TBC1D19: variants seen among roughly 807,000 people sequenced by gnomAD.
TBC1D19 encodes the protein TBC1 domain family, member 19.
TBC1D19 carries 60 observed loss-of-function variants against 89.0 expected under a neutral mutation model. The ratio of observed to expected loss-of-function variants is 0.67; its 90% CI spans 0.55 to 0.84. The LOEUF is 0.84. Ranked by LOEUF, TBC1D19 falls within the 40% of genes least tolerant of loss-of-function variation. TBC1D19 has a pLI of 0.00. For synonymous variants in TBC1D19, 189 were observed against 199.7 expected, an observed-to-expected ratio of 0.95 and a Z score of 0.45; for missense variants, 500 against 610.8, an observed-to-expected ratio of 0.82 and a Z score of 1.91.
the TBC1D19 span, among the ~76,000 whole-genome samples, chr4:26,762,842 A>G: frequency 6.6e-6 from 1 of 152,324 alleles, no homozygotes; most frequent in South Asian, 2.1e-4. Flanking sequence ...GCCATGAGCC[A>G]GGAATACAGG....
rs571738011 is a variant in TBC1D19, at chr4:26,622,699, T to C, written c.294+2011T>C. Among the ~76,000 whole-genome samples the C allele has an allele frequency of 3.3e-4, 51 of 152,290 alleles. 1 individual carries two copies. In the South Asian group the frequency reaches 9.5e-3, roughly 28 times the overall value. On this transcript the variant is annotated intron_variant, in intron 4 of 20. Coordinates refer to ENST00000264866, the MANE Select transcript of TBC1D19 (RefSeq NM_018317.4). ...TTGTGACACATGAAAACTATATGAA[T>C]CACTAAGATATGTTTTATTGGAAAA...
intron 7 of TBC1D19, among the ~76,000 whole-genome samples, chr4:26,643,689 TAAA>T (rs1743709110): frequency 6.6e-6 from 1 of 151,406 alleles, no homozygotes; most frequent in African/African-American, 2.4e-5. Flanking sequence ...GCAAAACTAA[TAAA>T]GAAGAAAAGA....
upstream of TBC1D19, among the ~76,000 whole-genome samples, chr4:26,580,060 A>C (rs1739037636): frequency 6.6e-6 from 1 of 152,162 alleles, no homozygotes; most frequent in Admixed American, 6.5e-5. Context: ...TTCTCCTGTA[A>C]GTTTTCCCTT....
intron 8 of TBC1D19, among the ~76,000 whole-genome samples, chr4:26,662,536 A>T (rs895495828): frequency 1.3e-5 from 2 of 152,212 alleles, no homozygotes; most frequent in Non-Finnish European, 2.9e-5. Flanking sequence ...TAAGTTTATA[A>T]GAATTTAAGC....
chr4:26,768,631 T>A, the TBC1D19 span, among the ~76,000 whole-genome samples: 1 of 152,112 alleles, frequency 6.6e-6, no homozygotes, highest in Non-Finnish European at 1.5e-5. Context: ...AGTAGAGACA[T>A]GGAAGATATT....
At chr4:26,594,254 A>G (rs1740039391) in intron 1 of TBC1D19, among the ~76,000 whole-genome samples, 1 of 152,010 alleles carries the variant, frequency 6.6e-6, no homozygotes, top group Non-Finnish European at 1.5e-5. Flanking sequence ...AAAACCAAAC[A>G]CTGCATGTTC....
At chr4:26,607,951 T>C (rs558074553) in intron 1 of TBC1D19, among the ~76,000 whole-genome samples, 1 of 152,316 alleles carries the variant, frequency 6.6e-6, no homozygotes, top group African/African-American at 2.4e-5. Flanking sequence ...TTGGGGTTGA[T>C]TGGGCAGGCA....
At chr4:26,734,433 T>C (rs764264839) in intron 15 of TBC1D19, among the ~76,000 whole-genome samples, 7 of 152,170 alleles carry the variant, frequency 4.6e-5, no homozygotes, top group Non-Finnish European at 7.4e-5. Context: ...AGCTATATGG[T>C]GGTATATATT....
At chr4:26,703,682 G>A (rs1252645026) in intron 13 of TBC1D19, among the ~76,000 whole-genome samples, 3 of 151,396 alleles carry the variant, frequency 2.0e-5, no homozygotes, top group East Asian at 2.0e-4. Context: ...GTCCGGGCAC[G>A]GTGGCTCATG....
chr4:26,857,400 G>A, the TBC1D19 span, among the ~76,000 whole-genome samples: 1 of 152,202 alleles, frequency 6.6e-6, no homozygotes, highest in Non-Finnish European at 1.5e-5. Flanking sequence ...GACATTCCAG[G>A]GCCACGCAGG....
the TBC1D19 span, among the ~76,000 whole-genome samples, chr4:26,856,396 C>T: frequency 3.3e-5 from 5 of 152,144 alleles, no homozygotes; most frequent in African/African-American, 1.2e-4. Flanking sequence ...ATTTAGTTTG[C>T]TTCCATATCT....
At chr4:26,735,093 C>T (rs1578000417) in intron 15 of TBC1D19, among the ~76,000 whole-genome samples, 1 of 149,590 alleles carries the variant, frequency 6.7e-6, no homozygotes, top group East Asian at 2.0e-4. Flanking sequence ...TATGTATACA[C>T]ATGTATATAT....
At chr4:26,825,594 CTA>C in the TBC1D19 span, among the ~76,000 whole-genome samples, 11 of 152,156 alleles carry the variant, frequency 7.2e-5, no homozygotes, top group Admixed American at 7.2e-4. Context: ...CCAATTTTCT[CTA>C]TCAGTGACCT....
intron 14 of TBC1D19, among the ~76,000 whole-genome samples, chr4:26,719,801 T>C (rs969667201): frequency 1.3e-5 from 2 of 152,128 alleles, no homozygotes; most frequent in African/African-American, 4.8e-5. Context: ...AATAGATACT[T>C]CTCTTCTTAA....
downstream of TBC1D19, among the ~76,000 whole-genome samples, chr4:26,757,320 G>A (rs917288540): frequency 3.3e-5 from 5 of 152,116 alleles, no homozygotes; most frequent in Admixed American, 1.3e-4. Flanking sequence ...GGACCTGTCC[G>A]CTCCATCTTT....
the TBC1D19 span, among the ~76,000 whole-genome samples, chr4:26,794,452 G>T: frequency 6.6e-6 from 1 of 151,894 alleles, no homozygotes; most frequent in Non-Finnish European, 1.5e-5. Context: ...AAACATGTAA[G>T]TTTAAAAATA....
the TBC1D19 span, among the ~76,000 whole-genome samples, chr4:26,847,941 A>G: frequency 6.6e-6 from 1 of 152,206 alleles, no homozygotes. Context: ...TATCAGGAGC[A>G]TGGTTTTTGA....
chr4:26,717,469 A>G (rs1282329036), intron 13 of TBC1D19, among the ~76,000 whole-genome samples: 1 of 151,998 alleles, frequency 6.6e-6, no homozygotes, highest in African/African-American at 2.4e-5. Flanking sequence ...CACTTGTTCT[A>G]CTGCTGCTGC....
upstream of TBC1D19, among the ~76,000 whole-genome samples, chr4:26,581,594 C>A (rs1321371760): frequency 6.6e-6 from 1 of 152,144 alleles, no homozygotes; most frequent in Non-Finnish European, 1.5e-5. Flanking sequence ...TGTATATGTG[C>A]CACCAGATTT....
Sources: allele counts gnomAD v4.1 joint callset (sites outside exome capture counted in the v4.1 genomes callset), GRCh38; gene constraint gnomAD v4.1.1; transcripts MANE v1.5; gene names NCBI Gene and HGNC (gene_info 2026-07-23, HGNC 2026-07-21).